Variants in CYFIP2 observed in about 807,000 individuals in gnomAD.
CYFIP2 encodes the protein cytoplasmic FMR1-interacting protein 2.
Under a neutral mutation model 158.7 loss-of-function variants are expected in CYFIP2, and 29 were observed. The ratio of observed to expected loss-of-function variants is 0.18; its 90% CI spans 0.14 to 0.25. The LOEUF is 0.25. Among genes scored for constraint, CYFIP2 ranks in the 10% least tolerant of loss-of-function variants. The pLI is 1.00. For missense variants in CYFIP2, 852 were observed against 1,639.5 expected (o/e 0.52, Z 8.29); for synonymous variants, 585 against 617.6 (o/e 0.95, Z 0.78).
Position 157,343,039 on chromosome 5 carries a change from C to A in CYFIP2, c.2673+1882C>A, listed in dbSNP as rs540389707. 21 of 1,614,188 alleles carry A rather than the reference C, an allele frequency of 1.3e-5. No individual in the cohort carries two copies. In the East Asian group the frequency reaches 4.0e-4, roughly 31 times the overall value. On this transcript the variant is annotated intron_variant, in intron 23 of 30. Coordinates refer to ENST00000620254, the MANE Select transcript of CYFIP2 (RefSeq NM_001037333.3). ...GGTCTTCCTCCCTCTGACCAAGATC[C>A]GGGGCCTCCTCTGGCCATCTCACCA...
At chr5:157,377,587 T>TG (rs1765611100) in intron 26 of CYFIP2, among the ~76,000 whole-genome samples, 1 of 152,202 alleles carries the variant, frequency 6.6e-6, no homozygotes, top group African/African-American at 2.4e-5. Context: ...GTAAGGGTTG[T>TG]GCATCTGGTC....
chr5:157,290,630 T>C (rs1757745889), intron 3 of CYFIP2, among the ~76,000 whole-genome samples: 1 of 152,202 alleles, frequency 6.6e-6, no homozygotes, highest in Non-Finnish European at 1.5e-5. Flanking sequence ...GGGGGGACCA[T>C]TATTCTGCCT....
At chr5:157,293,703 C>A (rs1467137305) in intron 3 of CYFIP2, among the ~76,000 whole-genome samples, 1 of 152,038 alleles carries the variant, frequency 6.6e-6, no homozygotes, top group Non-Finnish European at 1.5e-5. Flanking sequence ...TTTTTCCTGT[C>A]CACTGCACAG....
chr5:157,381,771 T>C lies in CYFIP2; in HGVS notation c.3040-819T>C, dbSNP rs115273758. ...CGGGGTAGAAGAAGGCAAGGACACC[T>C]GCAATCTTGATTTTCTCAGATGCTT... On this transcript the variant is annotated intron_variant, in intron 26 of 30. Transcript: ENST00000620254. Among the ~76,000 whole-genome samples the C allele has an allele frequency of 7.3e-4, 111 of 152,314 alleles. 1 individual carries two copies. The highest frequency in any genetic ancestry group is 2.5e-3 in the African/African-American group (104 of 41,570).
intron 26 of CYFIP2, among the ~76,000 whole-genome samples, chr5:157,366,875 A>G (rs1764420432): frequency 6.6e-6 from 1 of 152,180 alleles, no homozygotes; most frequent in African/African-American, 2.4e-5. Flanking sequence ...TTGGTTTTCT[A>G]GACTTTCGGC....
In CYFIP2 at chr5:157,279,637, C is replaced by G. The variant is rs149946222; in HGVS notation, c.-23-5702C>G. ...ACTTTTGGTGAAACCAGGCCACCGACTGAGTTTGTTATGAAGACACTGCAT... is the reference window on the plus strand; with the variant it reads ...ACTTTTGGTGAAACCAGGCCACCGAGTGAGTTTGTTATGAAGACACTGCAT... On this transcript the variant is annotated intron_variant, in intron 1 of 30. Transcript: ENST00000620254. Among the ~76,000 whole-genome samples, 403 of 152,330 alleles carry G rather than the reference C, an allele frequency of 2.6e-3. 1 individual carries two copies. Among genetic ancestry groups the G allele is most frequent in the African/African-American group, 9.4e-3 (391 of 41,568 alleles).
chr5:157,331,485 A>G (rs1018751973), intron 20 of CYFIP2, among the ~76,000 whole-genome samples: 16 of 151,336 alleles, frequency 1.1e-4, no homozygotes, highest in Non-Finnish European at 1.9e-4. Flanking sequence ...CTGTGTGCTT[A>G]TTATGTGGTC....
At position 157,361,987 on chromosome 5, in the gene CYFIP2, A is replaced by G. The variant is rs1318771192; in HGVS notation, c.3039+389A>G. ...ATGGCTTGCAAACAAGGGTTTTTAA[A>G]GGCAGGGGTAAATTTCAGGAAAGCA... On this transcript the variant is annotated intron_variant, in intron 26 of 30. Transcript: ENST00000620254. This position sits in a 1 kb window ranked among gnomAD's most constrained non-coding sequence, Gnocchi z 4.4. Among the ~76,000 whole-genome samples the G allele has an allele frequency of 6.6e-6, 1 of 152,228 alleles. No individual in the cohort carries two copies. The highest frequency in any genetic ancestry group is 1.5e-5 in the Non-Finnish European group (1 of 68,034).
Position 157,370,067 on chromosome 5 carries a change from G to T in CYFIP2, c.3039+8469G>T, listed in dbSNP as rs568161585. Among the ~76,000 whole-genome samples, 658 of 152,106 alleles carry T rather than the reference G, an allele frequency of 4.3e-3. 2 individuals are homozygous for T. The highest frequency in any genetic ancestry group is 0.015 in the African/African-American group (619 of 41,506). ...GGATAATTTTTGTATTTTTAGTAGA[G>T]ACCAGGTTTCACCCTGTTGGCCAGG... On this transcript the variant is annotated intron_variant, in intron 26 of 30. Transcript: ENST00000620254.
intron 7 of CYFIP2, chr5:157,303,148 G>T (rs887982684): frequency 4.1e-5 from 16 of 394,104 alleles, no homozygotes; most frequent in Non-Finnish European, 6.0e-5. Context: ...GGTTGAGAAC[G>T]TGGGGTCTGG....
intron 13 of CYFIP2, among the ~76,000 whole-genome samples, chr5:157,317,306 C>T (rs1010417352): frequency 2.0e-5 from 3 of 152,018 alleles, no homozygotes; most frequent in African/African-American, 7.3e-5. Context: ...AAAAGTAGTT[C>T]AATGTGGCCT....
chr5:157,269,907 ATGG>A lies in CYFIP2; in HGVS notation c.-24+3713_-24+3715del, dbSNP rs1755942821. 2.6e-5 allele frequency among the ~76,000 whole-genome samples: 4 copies of A among 152,216 alleles called. No homozygotes were observed. The South Asian group carries it at 8.3e-4, about 31-fold the overall frequency. Reference sequence around the variant, plus strand: ...GAGCTTAGATATTGGCTTTCTAGCCATGGGCATTATGCTAAGGGCTGTGTGTGA... The same window carrying A: ...GAGCTTAGATATTGGCTTTCTAGCCAGCATTATGCTAAGGGCTGTGTGTGA... On this transcript the variant is annotated intron_variant, in intron 1 of 30. Transcript: ENST00000620254.
Position 157,326,155 on chromosome 5 carries a change from GT to G in CYFIP2, c.1983-11del. On this transcript the variant is annotated splice_polypyrimidine_tract_variant and intron_variant, in intron 17 of 30. Coordinates refer to ENST00000620254, the MANE Select transcript of CYFIP2 (RefSeq NM_001037333.3). Reference sequence around the variant, plus strand: ...GGGTTATTAGCAAGCGGCTGGCTGTGTTTTTCCCTCTTCAGGTATGTCCTCT... The same window carrying G: ...GGGTTATTAGCAAGCGGCTGGCTGTGTTTTCCCTCTTCAGGTATGTCCTCT... 1 of 1,602,438 alleles carries G rather than the reference GT, an allele frequency of 6.2e-7. No homozygotes were observed. Among genetic ancestry groups the G allele is most frequent in the Non-Finnish European group, 8.5e-7 (1 of 1,169,702 alleles).
chr5:157,322,689 G>C (rs1760695666), intron 15 of CYFIP2, among the ~76,000 whole-genome samples: 1 of 152,250 alleles, frequency 6.6e-6, no homozygotes, highest in Admixed American at 6.5e-5. Flanking sequence ...ACACGTTTCT[G>C]TGGCTGCTCT....
chr5:157,270,017 G>A (rs2113800920), intron 1 of CYFIP2, among the ~76,000 whole-genome samples: 1 of 152,378 alleles, frequency 6.6e-6, no homozygotes, highest in East Asian at 1.9e-4. Context: ...ATTGTTTTGA[G>A]AAGGCAGAGC....
At chr5:157,286,896 C>A in intron 2 of CYFIP2, 123 bp from the exon 3 acceptor site, 1 of 653,928 alleles carries the variant, frequency 1.5e-6, no homozygotes, top group East Asian at 3.0e-5. Flanking sequence ...TGAAAGGTGA[C>A]GCAGCAGGAG....
chr5:157,371,196 C>T (rs1363606815), intron 26 of CYFIP2, among the ~76,000 whole-genome samples: 2 of 152,184 alleles, frequency 1.3e-5, no homozygotes, highest in Middle Eastern at 3.4e-3. Flanking sequence ...CATCAGTATG[C>T]GGGAAACACA....
intron 19 of CYFIP2, among the ~76,000 whole-genome samples, chr5:157,330,284 GTT>G (rs1491377486): frequency 8.9e-5 from 12 of 134,084 alleles, no homozygotes; most frequent in Admixed American, 2.3e-4. Context: ...GTGTGTGTGT[GTT>G]TGTGTTTAAA....
intron 23 of CYFIP2, among the ~76,000 whole-genome samples, chr5:157,354,579 T>C (rs11745940): frequency 0.23 from 34,200 of 151,222 alleles, 4,188 homozygotes; most frequent in African/African-American, 0.31. Flanking sequence ...GAATGAGGGG[T>C]CGGGGGGGAT....
Sources: gnomAD v4.1 joint callset for allele counts (sites outside exome capture counted in the v4.1 genomes callset) on GRCh38, gnomAD v4.1.1 for gene constraint, Gnocchi (gnomAD v3.1) non-coding constraint, MANE v1.5 for transcripts, NCBI Gene and HGNC (gene_info 2026-07-23, HGNC 2026-07-21) for gene names.